The following MAGI3 variants were observed in gnomAD, a reference collection of about 807,000 sequenced individuals.
MAGI3 encodes membrane associated guanylate kinase, WW and PDZ domain containing 3.
A neutral mutation model predicts 121.8 loss-of-function variants in MAGI3; 43 were observed. The observed-to-expected ratio is 0.35, with a 90% confidence interval of 0.28 to 0.46. The LOEUF (loss-of-function observed/expected upper bound fraction) is 0.46, where lower values mean the gene tolerates loss of function less well. Ranked by LOEUF, MAGI3 falls within the 20% of genes least tolerant of loss-of-function variation. The pLI, the probability that MAGI3 is intolerant of heterozygous loss-of-function variation, is 1.00. For missense variants in MAGI3, 1,547 were observed against 1,797.3 expected (o/e 0.86, Z 2.52); for synonymous variants, 553 against 639.3 (o/e 0.86, Z 2.04).
chr1:113,526,126 T>A (rs937561050), intron 1 of MAGI3, among the ~76,000 whole-genome samples: 3 of 152,218 alleles, frequency 2.0e-5, no homozygotes, highest in African/African-American at 7.2e-5. Flanking sequence ...AATATTTCAG[T>A]CTCATTTTAT....
intron 1 of MAGI3, among the ~76,000 whole-genome samples, chr1:113,427,399 G>T (rs1258859997): frequency 6.6e-6 from 1 of 152,154 alleles, no homozygotes; most frequent in Admixed American, 6.5e-5. Flanking sequence ...TGCTTCCCCT[G>T]GCTGCTTATT....
intron 1 of MAGI3, among the ~76,000 whole-genome samples, chr1:113,504,160 T>C (rs932972251): frequency 2.0e-5 from 3 of 152,026 alleles, no homozygotes; most frequent in Non-Finnish European, 4.4e-5. Flanking sequence ...GTAGGAACCA[T>C]CTTCTAGGGG....
intron 2 of MAGI3, among the ~76,000 whole-genome samples, chr1:113,564,957 C>T (rs1660383247): frequency 6.6e-6 from 1 of 152,034 alleles, no homozygotes; most frequent in Non-Finnish European, 1.5e-5. Context: ...TCAAGTGATT[C>T]TCCTGCCTCA....
intron 1 of MAGI3, among the ~76,000 whole-genome samples, chr1:113,439,781 A>T (rs561362072): frequency 3.2e-4 from 49 of 152,346 alleles, no homozygotes; most frequent in African/African-American, 1.1e-3. Flanking sequence ...AGAACATACT[A>T]TCATAATTAG....
intron 1 of MAGI3, among the ~76,000 whole-genome samples, chr1:113,413,616 A>T (rs1020890578): frequency 6.6e-6 from 1 of 151,994 alleles, no homozygotes; most frequent in African/African-American, 2.4e-5. Context: ...TTGGATTCCT[A>T]GGTATTTTAT....
intron 1 of MAGI3, among the ~76,000 whole-genome samples, chr1:113,505,377 G>T (rs899203701): frequency 6.6e-6 from 1 of 151,912 alleles, no homozygotes; most frequent in East Asian, 1.9e-4. Flanking sequence ...GTTTTAACTA[G>T]CTCAAATAAA....
At chr1:113,513,298 A>G (rs1657711881) in intron 1 of MAGI3, among the ~76,000 whole-genome samples, 3 of 152,156 alleles carry the variant, frequency 2.0e-5, no homozygotes, top group African/African-American at 7.2e-5. Flanking sequence ...TATGGAATCA[A>G]AAAAAAGACC....
At chr1:113,485,173 A>T (rs1458728392) in intron 1 of MAGI3, among the ~76,000 whole-genome samples, 1 of 152,198 alleles carries the variant, frequency 6.6e-6, no homozygotes, top group Non-Finnish European at 1.5e-5. Flanking sequence ...CTCTGGATAG[A>T]TACCTAGTAG....
chr1:113,608,456 T>G (rs916754099), intron 6 of MAGI3, among the ~76,000 whole-genome samples: 1 of 152,184 alleles, frequency 6.6e-6, no homozygotes, highest in Admixed American at 6.5e-5. Context: ...CAAATGAATG[T>G]TAGCCCTGCA....
chr1:113,675,749 A>C (rs1244338074), intron 19 of MAGI3, among the ~76,000 whole-genome samples: 1 of 152,216 alleles, frequency 6.6e-6, no homozygotes, highest in African/African-American at 2.4e-5. Context: ...CAGAGTGTTT[A>C]TGACAAAGAG....
intron 1 of MAGI3, among the ~76,000 whole-genome samples, chr1:113,543,747 G>A (rs1253233912): frequency 6.6e-6 from 1 of 151,796 alleles, no homozygotes; most frequent in African/African-American, 2.4e-5. Context: ...GTGTGCCTGT[G>A]GTCCCAGCTA....
chr1:113,511,678 A>G (rs1234416656), intron 1 of MAGI3, among the ~76,000 whole-genome samples: 2 of 152,206 alleles, frequency 1.3e-5, no homozygotes, highest in African/African-American at 4.8e-5. Context: ...TTTCTAGACA[A>G]CCTTGAACAG....
chr1:113,561,808 G>T (rs770066888), intron 2 of MAGI3, among the ~76,000 whole-genome samples: 6 of 152,152 alleles, frequency 3.9e-5, no homozygotes, highest in Non-Finnish European at 8.8e-5. Context: ...CATATAGGAA[G>T]AGGAAGTCAA....
intron 1 of MAGI3, among the ~76,000 whole-genome samples, chr1:113,426,026 T>TA (rs2101401673): frequency 6.6e-6 from 1 of 152,352 alleles, no homozygotes; most frequent in Admixed American, 6.5e-5. Flanking sequence ...GTTTCTACTA[T>TA]AAATTTTTAA....
rs1472978441 is a variant in MAGI3, at chr1:113,502,863, A to G, written c.317-46652A>G. On this transcript the variant is annotated intron_variant, in intron 1 of 20. Transcript: ENST00000307546. ...ACTGGATTAAGAAAATGTGGCACAT[A>G]TACACCATGGAATATTATGCAGCCA... Among the ~76,000 whole-genome samples the G allele has an allele frequency of 5.3e-5, 3 of 56,682 alleles. 1 individual carries two copies. In the East Asian group the frequency reaches 2.3e-3, roughly 43 times the overall value. The allele number at this position is 56,682 out of a possible 152,430, so 37.2% of individuals were successfully genotyped here. A position where few individuals can be genotyped will look rare whatever the true frequency, so the allele number is the denominator to read the frequency against.
chr1:113,654,104 A>G (rs1025059982), intron 15 of MAGI3, 86 bp downstream of exon 15: 58 of 1,045,512 alleles, frequency 5.5e-5, no homozygotes, highest in Non-Finnish European at 7.2e-5. Flanking sequence ...ATTAGGAGCT[A>G]TGTATAAAAT....
At chr1:113,641,015 G>GAT (rs1652445060) in intron 9 of MAGI3, among the ~76,000 whole-genome samples, 1 of 100,376 alleles carries the variant, frequency 1.0e-5, no homozygotes, top group Non-Finnish European at 1.9e-5. Flanking sequence ...TAATATATAT[G>GAT]ATATATAATA....
In MAGI3 at chr1:113,506,590, A is replaced by AAGGT. The variant is rs1557792540; in HGVS notation, c.317-42925_317-42924insAGGT. Among the ~76,000 whole-genome samples the AAGGT allele has an allele frequency of 3.3e-5, 5 of 152,232 alleles. No homozygotes were observed. The South Asian group carries it at 1.0e-3, about 31-fold the overall frequency. On this transcript the variant is annotated intron_variant, in intron 1 of 20. Coordinates refer to ENST00000307546, the MANE Select transcript of MAGI3 (RefSeq NM_001142782.2). ...GTATTGGTTTAAGTGCTTTTGCTAT[A>AAGGT]TTAAATCCTTTTATCCTCAAACAAC...
intron 1 of MAGI3, among the ~76,000 whole-genome samples, chr1:113,434,575 C>T (rs1013789502): frequency 5.9e-5 from 9 of 152,222 alleles, no homozygotes; most frequent in African/African-American, 2.2e-4. Context: ...GTTTTTACAG[C>T]TGCTCTCTTT....
Sources: gnomAD v4.1 joint callset for allele counts (sites outside exome capture counted in the v4.1 genomes callset) on GRCh38, gnomAD v4.1.1 for gene constraint, MANE v1.5 for transcripts, NCBI Gene and HGNC (gene_info 2026-07-23, HGNC 2026-07-21) for gene names.